The following SCHIP1 variants were observed in gnomAD, a reference collection of about 807,000 sequenced individuals.
SCHIP1 encodes schwannomin interacting protein 1, also known as schwannomin-interacting protein 1.
A neutral mutation model predicts 29.7 loss-of-function variants in SCHIP1; 8 were observed. The ratio of observed to expected loss-of-function variants is 0.27; its 90% CI spans 0.16 to 0.49. The LOEUF is 0.49. SCHIP1 is among the 20% of genes least tolerant of loss of function. The pLI is 0.99. For missense variants in SCHIP1, 193 were observed against 294.6 expected, an observed-to-expected ratio of 0.66 and a Z score of 2.52; for synonymous variants, 76 against 94.9, an observed-to-expected ratio of 0.80 and a Z score of 1.16.
chr3:159,728,521 A>G, the SCHIP1 span, among the ~76,000 whole-genome samples: 3 of 152,204 alleles, frequency 2.0e-5, no homozygotes, highest in African/African-American at 7.2e-5. Context: ...GGTTCCTGGC[A>G]TCAGCTGTCT....
chr3:159,709,311 T>C, the SCHIP1 span, among the ~76,000 whole-genome samples: 1 of 152,108 alleles, frequency 6.6e-6, no homozygotes, highest in South Asian at 2.1e-4. Context: ...TCTATAAATA[T>C]CTTAGCTGTG....
chr3:159,765,113 G>A, the SCHIP1 span: 1 of 1,568,784 alleles, frequency 6.4e-7, no homozygotes, highest in Non-Finnish European at 8.6e-7. Flanking sequence ...CGGAACCAGG[G>A]CCAGGCGAGG....
At chr3:159,434,771 A>G in the SCHIP1 span, among the ~76,000 whole-genome samples, 1 of 152,170 alleles carries the variant, frequency 6.6e-6, no homozygotes, top group Non-Finnish European at 1.5e-5. Flanking sequence ...AAGTTGCAAG[A>G]GGAAAAAGTA....
chr3:159,623,072 AC>A, the SCHIP1 span, among the ~76,000 whole-genome samples: 7 of 152,228 alleles, frequency 4.6e-5, no homozygotes, highest in Admixed American at 4.6e-4. Context: ...CATTGATTGA[AC>A]CATAGTTAAT....
the SCHIP1 span, among the ~76,000 whole-genome samples, chr3:159,744,377 C>T: frequency 6.6e-6 from 1 of 152,118 alleles, no homozygotes; most frequent in Non-Finnish European, 1.5e-5. Flanking sequence ...AAATATAACC[C>T]ATTAAAACCA....
chr3:159,496,665 C>T, the SCHIP1 span, among the ~76,000 whole-genome samples: 1 of 152,054 alleles, frequency 6.6e-6, no homozygotes, highest in African/African-American at 2.4e-5. Flanking sequence ...TGGGACTGTA[C>T]ACTAATTCAA....
At chr3:159,797,882 G>C in the SCHIP1 span, among the ~76,000 whole-genome samples, 1 of 152,174 alleles carries the variant, frequency 6.6e-6, no homozygotes, top group Non-Finnish European at 1.5e-5. Context: ...GAGAGGAAAG[G>C]GTGGAGGAAA....
the SCHIP1 span, among the ~76,000 whole-genome samples, chr3:159,799,896 T>C: frequency 3.3e-5 from 5 of 152,196 alleles, no homozygotes; most frequent in Admixed American, 6.5e-5. Flanking sequence ...TCTAGAAAGA[T>C]AACTTAAGGT....
the SCHIP1 span, among the ~76,000 whole-genome samples, chr3:159,834,539 T>C: frequency 2.0e-5 from 3 of 152,218 alleles, no homozygotes; most frequent in African/African-American, 7.2e-5. Context: ...AGGAAAACAC[T>C]TTGTGTTTCT....
the SCHIP1 span, among the ~76,000 whole-genome samples, chr3:159,537,410 C>T: frequency 6.6e-6 from 1 of 152,176 alleles, no homozygotes; most frequent in Admixed American, 6.5e-5. Flanking sequence ...CCCTTGATTT[C>T]CTGTCCCATC....
the SCHIP1 span, among the ~76,000 whole-genome samples, chr3:159,793,650 C>T: frequency 4.9e-4 from 75 of 152,156 alleles, no homozygotes; most frequent in African/African-American, 1.6e-3. Context: ...TTCTGCCTCC[C>T]GGGTTCAAGT....
the SCHIP1 span, among the ~76,000 whole-genome samples, chr3:159,376,614 CAGTATCACCTGA>C: frequency 1.3e-5 from 2 of 152,198 alleles, no homozygotes; most frequent in East Asian, 3.8e-4. Flanking sequence ...CTTTGAACCT[CAGTATCACCTGA>C]ATGGGCACCT....
At chr3:159,684,810 A>AG in the SCHIP1 span, among the ~76,000 whole-genome samples, 1 of 151,500 alleles carries the variant, frequency 6.6e-6, no homozygotes, top group East Asian at 1.9e-4. Context: ...TTGCAAAAAA[A>AG]AAAAAAAGAA....
the SCHIP1 span, among the ~76,000 whole-genome samples, chr3:159,570,339 A>G: frequency 6.6e-6 from 1 of 152,146 alleles, no homozygotes; most frequent in African/African-American, 2.4e-5. Context: ...TAAGGAAGGG[A>G]TCCAGTTTCA....
chr3:159,533,301 CAG>C, the SCHIP1 span, among the ~76,000 whole-genome samples: 1 of 152,076 alleles, frequency 6.6e-6, no homozygotes. Flanking sequence ...TGAGAGAAAA[CAG>C]AGGGAAGCAA....
the SCHIP1 span, among the ~76,000 whole-genome samples, chr3:159,682,127 A>G: frequency 5.9e-5 from 9 of 152,338 alleles, no homozygotes; most frequent in South Asian, 1.0e-3. Flanking sequence ...TAATGCACAC[A>G]TCTTACTTAT....
the SCHIP1 span, among the ~76,000 whole-genome samples, chr3:159,610,408 G>A: frequency 6.8e-4 from 103 of 152,276 alleles, no homozygotes; most frequent in African/African-American, 2.4e-3. Context: ...GTGATGTTCT[G>A]TCACTGACCT....
the SCHIP1 span, among the ~76,000 whole-genome samples, chr3:159,699,794 A>G: frequency 3.3e-5 from 5 of 152,214 alleles, no homozygotes; most frequent in African/African-American, 1.2e-4. Context: ...TAGAGTGAGA[A>G]TATCTTTAAG....
the SCHIP1 span, among the ~76,000 whole-genome samples, chr3:159,745,635 T>C: frequency 1.3e-5 from 2 of 152,248 alleles, no homozygotes; most frequent in Non-Finnish European, 2.9e-5. Context: ...CTTATGTCAT[T>C]GATGCTTTAG....
Sources: gnomAD v4.1 joint callset for allele counts (sites outside exome capture counted in the v4.1 genomes callset) on GRCh38, gnomAD v4.1.1 for gene constraint, MANE v1.5 for transcripts, NCBI Gene and HGNC (gene_info 2026-07-23, HGNC 2026-07-21) for gene names.